The following MACF1 variants were observed in gnomAD, a reference collection of about 807,000 sequenced individuals.
MACF1 encodes the protein microtubule actin crosslinking factor 1.
MACF1 carries 193 observed loss-of-function variants against 854.8 expected under a neutral mutation model. That is an observed-to-expected ratio of 0.23 (90% CI 0.20 to 0.25). MACF1 has a LOEUF of 0.25. Among genes scored for constraint, MACF1 ranks in the 10% least tolerant of loss-of-function variants. The pLI, the probability that MACF1 is intolerant of heterozygous loss-of-function variation, is 1.00. For synonymous variants in MACF1, 3,185 were observed against 3,226.7 expected, an observed-to-expected ratio of 0.99 and a Z score of 0.44; for missense variants, 7,722 against 8,929.1, an observed-to-expected ratio of 0.86 and a Z score of 5.45.
intron 97 of MACF1, among the ~76,000 whole-genome samples, chr1:39,477,145 C>CACACACACAT (rs1644922571): frequency 7.5e-6 from 1 of 133,892 alleles, no homozygotes; most frequent in Non-Finnish European, 1.6e-5. Flanking sequence ...TACACACACA[C>CACACACACAT]ACACACACAG....
At chr1:39,313,792 T>G (rs1042181067) in intron 26 of MACF1, among the ~76,000 whole-genome samples, 1 of 152,174 alleles carries the variant, frequency 6.6e-6, no homozygotes, top group Non-Finnish European at 1.5e-5. Context: ...TCTCTTTTTT[T>G]TAAATAGAGA....
intron 80 of MACF1, among the ~76,000 whole-genome samples, chr1:39,446,064 A>C (rs556869816): frequency 2.0e-5 from 3 of 152,348 alleles, no homozygotes; most frequent in Non-Finnish European, 4.4e-5. Flanking sequence ...ATAACCAAGA[A>C]ATTTTCAGAG....
chr1:39,468,545 C>A, intron 95 of MACF1, 70 bp from the exon 96 acceptor site: 2 of 1,255,926 alleles, frequency 1.6e-6, no homozygotes, highest in Non-Finnish European at 2.3e-6. Context: ...TGAATACAGT[C>A]TGCTTTGGGA....
intron 42 of MACF1, 70 bp from the exon 43 acceptor site, chr1:39,350,715 C>T: frequency 1.8e-6 from 2 of 1,129,230 alleles, no homozygotes; most frequent in African/African-American, 1.5e-5. Flanking sequence ...GCCATTCCAT[C>T]TTTATACCAT....
intron 2 of MACF1, among the ~76,000 whole-genome samples, chr1:39,163,363 AAAG>A (rs1373985636): frequency 2.0e-5 from 3 of 149,214 alleles, no homozygotes; most frequent in Non-Finnish European, 4.5e-5. Context: ...AAAAAAAAGA[AAAG>A]AAAAGAAAAA....
chr1:39,227,805 G>T (rs1440594375), intron 1 of MACF1, among the ~76,000 whole-genome samples: 1 of 152,104 alleles, frequency 6.6e-6, no homozygotes, highest in African/African-American at 2.4e-5. Flanking sequence ...CCATGAATTT[G>T]CATTAGCTAT....
intron 60 of MACF1, among the ~76,000 whole-genome samples, chr1:39,423,803 C>T (rs576900197): frequency 3.3e-5 from 5 of 152,024 alleles, no homozygotes; most frequent in African/African-American, 1.2e-4. Flanking sequence ...CTGTTAGTCA[C>T]ATAATGACAG....
chr1:39,106,393 G>T (rs536541786), intron 2 of MACF1, among the ~76,000 whole-genome samples: 58 of 152,306 alleles, frequency 3.8e-4, no homozygotes, highest in African/African-American at 1.3e-3. Flanking sequence ...AGACACTTCT[G>T]CAAGTTAATG....
At chr1:39,191,228 G>A (rs1644252734) in intron 2 of MACF1, among the ~76,000 whole-genome samples, 1 of 138,212 alleles carries the variant, frequency 7.2e-6, no homozygotes, top group Non-Finnish European at 1.5e-5. Context: ...TAACCTAGCA[G>A]TAAAGTACAG....
intron 51 of MACF1, 101 bp downstream of exon 51, chr1:39,370,287 A>G (rs1569753781): frequency 2.7e-6 from 3 of 1,107,544 alleles, no homozygotes; most frequent in East Asian, 5.4e-5. Context: ...GAGAAATCCA[A>G]GTTGTCAGTC....
intron 2 of MACF1, among the ~76,000 whole-genome samples, chr1:39,110,150 G>C (rs954772312): frequency 3.3e-5 from 5 of 149,868 alleles, no homozygotes; most frequent in Admixed American, 2.0e-4. Flanking sequence ...ATTTGGGATT[G>C]TTTACCTAAG....
At chr1:39,139,132 T>C (rs559019437) in intron 2 of MACF1, among the ~76,000 whole-genome samples, 2 of 152,356 alleles carry the variant, frequency 1.3e-5, no homozygotes, top group African/African-American at 2.4e-5. Context: ...CAAGGCATGC[T>C]GAATACTTCA....
chr1:39,140,231 G>C (rs576084658), intron 2 of MACF1, among the ~76,000 whole-genome samples: 2 of 152,148 alleles, frequency 1.3e-5, no homozygotes, highest in East Asian at 3.9e-4. Context: ...CTGGGATTAC[G>C]GGCATGAGCC....
At chr1:39,299,771 T>C (rs1483458536) in intron 21 of MACF1, among the ~76,000 whole-genome samples, 1 of 152,222 alleles carries the variant, frequency 6.6e-6, no homozygotes, top group African/African-American at 2.4e-5. Flanking sequence ...TAAGTATAAC[T>C]AGCTTCTCCT....
Position 39,434,440 on chromosome 1 carries a change from A to C in MACF1, c.17592A>C (p.Gln5864His). ...AAAAGACAGAGTCTCTAATACAGCA[A>C]TATGAAGCCATTAGCCTACTCAATT... is the stretch of plus-strand genomic sequence containing the variant. ...LQEKTESLIQ[Q>H]YEAISLLNSE... The change falls in exon 69 of 101, where the codon CAA (glutamine) becomes CAC (histidine). Residue 5864 changes from glutamine to histidine, a missense_variant. Transcript: ENST00000564288. 6.2e-7 allele frequency: 1 copy of C among 1,611,246 alleles called. No homozygotes were observed. The highest frequency in any genetic ancestry group is 8.5e-7 in the Non-Finnish European group (1 of 1,178,650).
chr1:39,353,163 A>T lies in MACF1; in HGVS notation c.11356A>T (p.Thr3786Ser). ...GASLEKGALD[T>S]TDGYMGVNQA... ...TAGCTTGGAGAAAGGAGCCTTGGACACCACTGATGGTTACATGGGGGTGAA... is the reference window on the plus strand; with the variant it reads ...TAGCTTGGAGAAAGGAGCCTTGGACTCCACTGATGGTTACATGGGGGTGAA... Residue 3786 changes from threonine (T) to serine (S), a missense_variant, in exon 44 of 101, where the codon ACC becomes TCC. Physicochemically the swap from Thr to Ser is moderately conservative, Grantham distance 58 (BLOSUM62 1). This residue lies in a region of MACF1 where 2,807 missense variants were observed against 3,235.8 expected (regional missense o/e 0.87). Transcript: ENST00000564288. 6.2e-7 allele frequency: 1 copy of T among 1,613,732 alleles called. No homozygotes were observed. Among genetic ancestry groups the T allele is most frequent in the Non-Finnish European group, 8.5e-7 (1 of 1,179,610 alleles).
At chr1:39,179,769 C>A (rs111533970) in intron 2 of MACF1, among the ~76,000 whole-genome samples, 1 of 152,050 alleles carries the variant, frequency 6.6e-6, no homozygotes, top group Non-Finnish European at 1.5e-5. Context: ...AATCCCAGCC[C>A]TTTGGGAGGC....
chr1:39,198,899 G>C (rs757870555), intron 2 of MACF1, among the ~76,000 whole-genome samples: 9 of 152,174 alleles, frequency 5.9e-5, no homozygotes, highest in Non-Finnish European at 1.0e-4. Flanking sequence ...TTAAAGCCAG[G>C]TGGAACTATT....
chr1:39,186,170 A>AT (rs1644165682), intron 2 of MACF1, among the ~76,000 whole-genome samples: 1 of 109,960 alleles, frequency 9.1e-6, no homozygotes, highest in Non-Finnish European at 1.8e-5. Flanking sequence ...GATTCTGAAC[A>AT]TCTCTCTCTC....
Sources: allele counts gnomAD v4.1 joint callset (sites outside exome capture counted in the v4.1 genomes callset), GRCh38; gene constraint gnomAD v4.1.1; regional missense constraint gnomAD v4.1.1; transcripts MANE v1.5; gene names NCBI Gene and HGNC (gene_info 2026-07-23, HGNC 2026-07-21).